HDAC9: variants seen among roughly 807,000 people sequenced by gnomAD.
HDAC9 encodes histone deacetylase 9, also known as MEF-2 interacting transcription repressor (MITR) protein.
HDAC9 carries 41 observed loss-of-function variants against 139.4 expected under a neutral mutation model. The ratio of observed to expected loss-of-function variants is 0.29; its 90% CI spans 0.23 to 0.38. The LOEUF (loss-of-function observed/expected upper bound fraction) is 0.38. Ranked by LOEUF, HDAC9 falls within the 10% of genes least tolerant of loss-of-function variation. HDAC9 has a pLI of 1.00. For synonymous variants in HDAC9, 517 were observed against 476.2 expected (o/e 1.09, Z -1.12); for missense variants, 1,147 against 1,297.0 (o/e 0.88, Z 1.78).
chr7:18,937,181 A>C (rs1201777598), intron 23 of HDAC9, among the ~76,000 whole-genome samples: 1 of 151,962 alleles, frequency 6.6e-6, no homozygotes, highest in African/African-American at 2.4e-5. Flanking sequence ...CTGGGATTAC[A>C]GGTGTGCACC....
intron 2 of HDAC9, among the ~76,000 whole-genome samples, chr7:18,185,674 T>C (rs1223781568): frequency 6.6e-6 from 1 of 152,212 alleles, no homozygotes; most frequent in Non-Finnish European, 1.5e-5. Context: ...TTCAAGATTA[T>C]TAAATCTCAG....
intron 1 of HDAC9, among the ~76,000 whole-genome samples, chr7:18,305,494 C>T (rs911100328): frequency 1.3e-5 from 2 of 152,180 alleles, no homozygotes; most frequent in Non-Finnish European, 2.9e-5. Flanking sequence ...TCCACATTCA[C>T]ATTTGCTGGT....
intron 1 of HDAC9, among the ~76,000 whole-genome samples, chr7:18,338,268 AT>A (rs1436853541): frequency 6.6e-6 from 1 of 151,702 alleles, no homozygotes; most frequent in Non-Finnish European, 1.5e-5. Context: ...GTAAAGTACC[AT>A]TGCTATTCAA....
intron 1 of HDAC9, among the ~76,000 whole-genome samples, chr7:18,114,519 C>T (rs1783838134): frequency 6.6e-6 from 1 of 152,126 alleles, no homozygotes; most frequent in South Asian, 2.1e-4. Context: ...CTTTTTAGTC[C>T]TTACCTGCAG....
At chr7:18,902,684 G>T (rs890581610) in intron 22 of HDAC9, among the ~76,000 whole-genome samples, 1 of 152,098 alleles carries the variant, frequency 6.6e-6, no homozygotes, top group Non-Finnish European at 1.5e-5. Context: ...GCTTACCTCA[G>T]GATATCTTGT....
intron 2 of HDAC9, among the ~76,000 whole-genome samples, chr7:18,542,689 T>G (rs1262396923): frequency 1.3e-5 from 2 of 152,194 alleles, no homozygotes; most frequent in Non-Finnish European, 2.9e-5. Flanking sequence ...TACTTCATAT[T>G]AATAAGATTG....
chr7:18,120,079 C>G (rs1735937524), intron 1 of HDAC9, among the ~76,000 whole-genome samples: 2 of 152,124 alleles, frequency 1.3e-5, no homozygotes, highest in South Asian at 4.1e-4. Context: ...TGACTACTGT[C>G]TAGTAAACAT....
At chr7:18,200,058 T>C (rs1240996442) in intron 2 of HDAC9, among the ~76,000 whole-genome samples, 1 of 152,236 alleles carries the variant, frequency 6.6e-6, no homozygotes, top group African/African-American at 2.4e-5. Flanking sequence ...GATTTGCTTC[T>C]TAGTAATTTT....
chr7:18,627,067 A>T (rs1351425081), intron 6 of HDAC9, among the ~76,000 whole-genome samples: 1 of 152,186 alleles, frequency 6.6e-6, no homozygotes, highest in Non-Finnish European at 1.5e-5. Flanking sequence ...CTTCACAGTT[A>T]TTCTCAGGTA....
chr7:18,473,869 A>T (rs1794913051), intron 1 of HDAC9, among the ~76,000 whole-genome samples: 1 of 152,224 alleles, frequency 6.6e-6, no homozygotes. Flanking sequence ...AAAGTCTAAG[A>T]GGAGCATTAT....
At chr7:18,244,985 T>A (rs1794424206) in intron 2 of HDAC9, among the ~76,000 whole-genome samples, 1 of 22,824 alleles carries the variant, frequency 4.4e-5, no homozygotes, top group Non-Finnish European at 9.8e-5. Flanking sequence ...CTCTCTATTA[T>A]CTAATCTGCA....
intron 21 of HDAC9, among the ~76,000 whole-genome samples, chr7:18,841,179 T>C (rs1440994609): frequency 6.6e-6 from 1 of 152,104 alleles, no homozygotes; most frequent in Non-Finnish European, 1.5e-5. Flanking sequence ...CTTCTAAATA[T>C]TCTTGTTATA....
At chr7:18,976,043 C>A in intron 25 of HDAC9, 90 bp downstream of exon 25, 1 of 1,322,154 alleles carries the variant, frequency 7.6e-7, no homozygotes, top group Non-Finnish European at 1.0e-6. Flanking sequence ...CTTTCCTTCA[C>A]CTGTCTCCTC....
intron 2 of HDAC9, among the ~76,000 whole-genome samples, chr7:18,551,446 C>T (rs1817098758): frequency 6.6e-6 from 1 of 152,086 alleles, no homozygotes; most frequent in South Asian, 2.1e-4. Flanking sequence ...AAGAACTAAA[C>T]CCCGGGGAAC....
intron 2 of HDAC9, among the ~76,000 whole-genome samples, chr7:18,185,035 A>G (rs571491374): frequency 6.6e-6 from 1 of 152,370 alleles, no homozygotes; most frequent in South Asian, 2.1e-4. Flanking sequence ...AAATTAATAG[A>G]ATAGCAATAT....
At chr7:18,585,214 A>G in intron 2 of HDAC9, 67 bp from the exon 3 acceptor site, 1 of 1,544,236 alleles carries the variant, frequency 6.5e-7, no homozygotes, top group Admixed American at 1.8e-5. Context: ...TTTCCAAATC[A>G]ATGTGCTAAT....
chr7:18,822,145 C>T (rs1305845435), intron 17 of HDAC9, among the ~76,000 whole-genome samples: 2 of 152,116 alleles, frequency 1.3e-5, no homozygotes, highest in Non-Finnish European at 2.9e-5. Flanking sequence ...TCAACTCTAC[C>T]TCCAGCCTCT....
At chr7:18,548,406 G>A (rs963644229) in intron 2 of HDAC9, among the ~76,000 whole-genome samples, 1 of 152,154 alleles carries the variant, frequency 6.6e-6, no homozygotes, top group Non-Finnish European at 1.5e-5. Context: ...CTGGAAAAAT[G>A]ACACTGACAC....
intron 1 of HDAC9, among the ~76,000 whole-genome samples, chr7:18,113,658 C>T (rs952840194): frequency 3.3e-5 from 5 of 152,212 alleles, no homozygotes; most frequent in African/African-American, 1.2e-4. Context: ...TTGCTTTTAA[C>T]ACACTCTTAT....
Sources: gnomAD v4.1 joint callset for allele counts (sites outside exome capture counted in the v4.1 genomes callset) on GRCh38, gnomAD v4.1.1 for gene constraint, MANE v1.5 for transcripts, NCBI Gene and HGNC (gene_info 2026-07-23, HGNC 2026-07-21) for gene names.